USP10: variants seen among roughly 807,000 people sequenced by gnomAD.
USP10 encodes ubiquitin specific peptidase 10, also known as ubiquitin carboxyl-terminal hydrolase 10.
A neutral mutation model predicts 84.5 loss-of-function variants in USP10; 22 were observed. That is an observed-to-expected ratio of 0.26 (90% CI 0.19 to 0.37). The LOEUF (loss-of-function observed/expected upper bound fraction) is 0.37. Ranked by LOEUF, USP10 falls within the 10% of genes least tolerant of loss-of-function variation. The pLI is 1.00. For synonymous variants in USP10, 454 were observed against 387.6 expected, an observed-to-expected ratio of 1.17 and a Z score of -2.01; for missense variants, 1,019 against 998.9, an observed-to-expected ratio of 1.02 and a Z score of -0.27.
In USP10 at chr16:84,748,928, AT is replaced by A. The variant is rs548281139; in HGVS notation, c.1192+3262del. ...ATTGTAAACCCCTACCAAACAGATT[AT>A]TTTTTTAATCCTATTTGGTTAGGTC... On this transcript the variant is annotated intron_variant, in intron 4 of 13. Coordinates refer to ENST00000219473, the MANE Select transcript of USP10 (RefSeq NM_005153.3). Among the ~76,000 whole-genome samples the A allele has an allele frequency of 3.3e-3, 501 of 152,250 alleles. 2 individuals carry two copies. Among genetic ancestry groups the A allele is most frequent in the African/African-American group, 0.011 (475 of 41,554 alleles).
chr16:84,775,327 G>A, intron 13 of USP10, 102 bp downstream of exon 13: 6 of 1,147,144 alleles, frequency 5.2e-6, no homozygotes, highest in South Asian at 2.5e-5. Flanking sequence ...ACCAGATGCT[G>A]TACTCAGGTA....
intron 12 of USP10, among the ~76,000 whole-genome samples, chr16:84,774,620 G>GCCA (rs1311647565): frequency 2.0e-5 from 3 of 151,958 alleles, no homozygotes; most frequent in African/African-American, 4.8e-5. Flanking sequence ...ACAGCCGCGT[G>GCCA]CCACCACGCC....
At chr16:84,727,960 GT>G (rs1908722538) in intron 1 of USP10, among the ~76,000 whole-genome samples, 1 of 152,182 alleles carries the variant, frequency 6.6e-6, no homozygotes, top group South Asian at 2.1e-4. Flanking sequence ...ACAGGATCCA[GT>G]CTAGGGTCAG....
intron 9 of USP10, 69 bp from the exon 10 acceptor site, chr16:84,764,017 A>G: frequency 1.3e-6 from 2 of 1,497,280 alleles, no homozygotes; most frequent in Non-Finnish European, 1.8e-6. Flanking sequence ...CAATCGACAG[A>G]TCTGTGCCTT....
chr16:84,710,029 G>A lies in USP10; in HGVS notation c.21+9918G>A, dbSNP rs538130708. Among the ~76,000 whole-genome samples, 131 of 152,268 alleles carry A rather than the reference G, an allele frequency of 8.6e-4. 2 individuals are homozygous for A. The highest frequency in any genetic ancestry group is 3.1e-3 in the African/African-American group (127 of 41,552). ...TCACGCCTGTAATCCCAGCACTTTG[G>A]GAGACCGAAGTAGACGGATCACTTG... is the stretch of plus-strand genomic sequence containing the variant. On this transcript the variant is annotated intron_variant, in intron 1 of 13. Transcript: ENST00000219473.
At chr16:84,735,659 G>T (rs1436763061) in intron 2 of USP10, among the ~76,000 whole-genome samples, 5 of 152,174 alleles carry the variant, frequency 3.3e-5, no homozygotes, top group Admixed American at 3.3e-4. Context: ...GGTACAGATG[G>T]TAAGTTATGC....
chr16:84,771,642 G>A (rs1400598078), intron 11 of USP10, among the ~76,000 whole-genome samples: 4 of 152,216 alleles, frequency 2.6e-5, no homozygotes, highest in African/African-American at 9.6e-5. Flanking sequence ...GCTGAGGCAG[G>A]TGGATCACCT....
intron 11 of USP10, 37 bp from the exon 12 acceptor site, chr16:84,772,504 A>T (rs771650508): frequency 6.2e-7 from 1 of 1,611,116 alleles, no homozygotes; most frequent in South Asian, 1.1e-5. Context: ...TGCAAGTAAG[A>T]CAGGGACGGT....
intron 12 of USP10, among the ~76,000 whole-genome samples, chr16:84,774,201 C>G (rs1307318893): frequency 1.3e-5 from 2 of 151,608 alleles, no homozygotes; most frequent in African/African-American, 4.8e-5. Context: ...TGAGATCATG[C>G]CACTGCACTC....
intron 1 of USP10, among the ~76,000 whole-genome samples, chr16:84,719,021 A>C (rs1344129824): frequency 6.6e-6 from 1 of 151,788 alleles, no homozygotes; most frequent in Non-Finnish European, 1.5e-5. Flanking sequence ...CGAACTCCTG[A>C]CCTCAAATGA....
chr16:84,769,968 G>T (rs906849878), intron 11 of USP10, among the ~76,000 whole-genome samples: 1 of 152,200 alleles, frequency 6.6e-6, no homozygotes, highest in African/African-American at 2.4e-5. Context: ...GGCGGGCCAG[G>T]TGTGGTGGCT....
At chr16:84,718,945 A>C (rs185868400) in intron 1 of USP10, among the ~76,000 whole-genome samples, 2 of 151,608 alleles carry the variant, frequency 1.3e-5, no homozygotes, top group African/African-American at 4.8e-5. Context: ...GGCGCCCGCC[A>C]CCGCACCCAG....
At chr16:84,715,793 G>A (rs1192644336) in intron 1 of USP10, among the ~76,000 whole-genome samples, 1 of 152,202 alleles carries the variant, frequency 6.6e-6, no homozygotes, top group African/African-American at 2.4e-5. Context: ...TTTTGAGGAC[G>A]TGGCTTCTTT....
At chr16:84,748,931 T>A (rs1911574423) in intron 4 of USP10, among the ~76,000 whole-genome samples, 1 of 152,230 alleles carries the variant, frequency 6.6e-6, no homozygotes, top group Non-Finnish European at 1.5e-5. Flanking sequence ...ACAGATTATT[T>A]TTTTAATCCT....
chr16:84,755,268 C>G (rs966621184), intron 4 of USP10, among the ~76,000 whole-genome samples: 3 of 151,832 alleles, frequency 2.0e-5, no homozygotes, highest in Non-Finnish European at 2.9e-5. Flanking sequence ...TAACTCTGCC[C>G]TAGAAGACCT....
intron 11 of USP10, 142 bp from the exon 12 acceptor site, chr16:84,772,398 TG>T: frequency 9.0e-7 from 1 of 1,115,322 alleles, no homozygotes; most frequent in Non-Finnish European, 1.3e-6. Context: ...AGAGCTTCTG[TG>T]GGGCAGGAAA....
Position 84,779,302 on chromosome 16 carries a change from T to C in USP10, c.*220T>C, listed in dbSNP as rs1245851252. 4.5e-6 allele frequency: 2 copies of C among 443,546 alleles called. No individual in the cohort carries two copies. Among genetic ancestry groups the C allele is most frequent in the Non-Finnish European group, 4.0e-6 (1 of 251,860 alleles). 27.5% of individuals were successfully genotyped at this position (443,546 alleles called of 1,614,324 possible). A position where few individuals can be genotyped will look rare whatever the true frequency, so the allele number is the denominator to read the frequency against. ...TCATTTGGTTGAAACAGACTGTTGC[T>C]TGATTTTAGAAAATACACAAAAACC... On this transcript the variant is annotated 3_prime_UTR_variant, in exon 14 of 14. Coordinates refer to ENST00000219473, the MANE Select transcript of USP10 (RefSeq NM_005153.3).
chr16:84,708,467 G>C (rs1203881552), intron 1 of USP10, among the ~76,000 whole-genome samples: 1 of 151,976 alleles, frequency 6.6e-6, no homozygotes, highest in African/African-American at 2.4e-5. Flanking sequence ...CAAAAAAGGA[G>C]GTCTGATTCA....
Position 84,743,758 on chromosome 16 carries a change from G to A in USP10, c.152-875G>A, listed in dbSNP as rs575256771. On this transcript the variant is annotated intron_variant, in intron 3 of 13. Coordinates refer to ENST00000219473, the MANE Select transcript of USP10 (RefSeq NM_005153.3). ...TCAGAGGTGTAAACTATAAAAATACGTCTGTCTTAGCAGGAATGAATTATG... is the reference window on the plus strand; with the variant it reads ...TCAGAGGTGTAAACTATAAAAATACATCTGTCTTAGCAGGAATGAATTATG... 3.3e-5 allele frequency among the ~76,000 whole-genome samples: 5 copies of A among 152,278 alleles called. No individual in the cohort carries two copies. In the South Asian group the frequency reaches 6.2e-4, roughly 19 times the overall value.
Sources: gnomAD v4.1 joint callset for allele counts (sites outside exome capture counted in the v4.1 genomes callset) on GRCh38, gnomAD v4.1.1 for gene constraint, MANE v1.5 for transcripts, NCBI Gene and HGNC (gene_info 2026-07-23, HGNC 2026-07-21) for gene names.